NUCB1: variants seen among roughly 807,000 people sequenced by gnomAD.
The protein encoded by NUCB1 is nucleobindin-1.
Under a neutral mutation model 61.2 loss-of-function variants are expected in NUCB1, and 47 were observed. The observed-to-expected ratio is 0.77, with a 90% confidence interval of 0.61 to 0.98. The LOEUF (loss-of-function observed/expected upper bound fraction) is 0.98. Ranked by LOEUF, NUCB1 falls within the 50% of genes least tolerant of loss-of-function variation. The pLI, the probability that NUCB1 is intolerant of heterozygous loss-of-function variation, is 0.00. For missense variants in NUCB1, 583 were observed against 605.3 expected (o/e 0.96, Z 0.39); for synonymous variants, 234 against 243.1 (o/e 0.96, Z 0.35).
rs780632020 is a variant in NUCB1 at position 48,913,203 on chromosome 19, A to G, written c.666+7A>G. 6.2e-7 allele frequency: 1 copy of G among 1,605,584 alleles called. No individual in the cohort carries two copies. The highest frequency in any genetic ancestry group is 8.5e-7 in the Non-Finnish European group (1 of 1,176,312). On this transcript the variant is annotated splice_region_variant and intron_variant, in intron 6 of 12. Transcript: ENST00000405315. ...CCCTAAAGTCAACGTGCCTGTGAGG[A>G]CCCCATTTGTGCCCATCCACTCCCT...
Position 48,922,538 on chromosome 19 carries a change from G to A in NUCB1, c.*114G>A. 2.5e-6 allele frequency: 2 copies of A among 813,916 alleles called. No homozygotes were observed. Among genetic ancestry groups the A allele is most frequent in the South Asian group, 3.1e-5 (2 of 65,308 alleles). The allele number at this position is 813,916 out of a possible 1,614,324, so 50.4% of individuals were successfully genotyped here. On this transcript the variant is annotated 3_prime_UTR_variant, in exon 13 of 13. Coordinates refer to ENST00000405315, the MANE Select transcript of NUCB1 (RefSeq NM_006184.6). Reference sequence around the variant, plus strand: ...GCTGGTGTCATGTTGGGCTCCTGGGGCGGGGGCACGGCCTGGCATTTCACG... The same window carrying A: ...GCTGGTGTCATGTTGGGCTCCTGGGACGGGGGCACGGCCTGGCATTTCACG...
chr19:48,905,352 G>T (rs536283193), intron 3 of NUCB1, among the ~76,000 whole-genome samples: 1 of 152,052 alleles, frequency 6.6e-6, no homozygotes, highest in Non-Finnish European at 1.5e-5. Context: ...CTGAACCCTC[G>T]TATCAGGATC....
intron 4 of NUCB1, 35 bp downstream of exon 4, chr19:48,905,920 A>AGGGGGGGGGAACTGGCGGGGT: frequency 2.1e-6 from 1 of 473,426 alleles, no homozygotes; most frequent in African/African-American, 2.8e-5. Context: ...ACAGGCAGGG[A>AGGGGGGGGGAACTGGCGGGGT]GGGGTGGGGA....
At chr19:48,912,345 A>G (rs2037483569) in intron 5 of NUCB1, among the ~76,000 whole-genome samples, 2 of 151,900 alleles carry the variant, frequency 1.3e-5, no homozygotes, top group African/African-American at 4.8e-5. Context: ...GTTCTTGGCC[A>G]CCTAGCTGTA....
Position 48,904,337 on chromosome 19 carries a change from G to A in NUCB1, c.136-10G>A. 19 of 1,577,342 alleles carry A rather than the reference G, an allele frequency of 1.2e-5. No individual in the cohort carries two copies. The highest frequency in any genetic ancestry group is 1.7e-5 in the Non-Finnish European group (19 of 1,146,746). On this transcript the variant is annotated splice_polypyrimidine_tract_variant and intron_variant, in intron 2 of 12. Coordinates refer to ENST00000405315, the MANE Select transcript of NUCB1 (RefSeq NM_006184.6). Reference sequence around the variant, plus strand: ...AGCAGGGGCTGCTATGTCTGTCCTTGTTGCCTCAGGACACAGGCCTGTACT... The same window carrying A: ...AGCAGGGGCTGCTATGTCTGTCCTTATTGCCTCAGGACACAGGCCTGTACT...
At chr19:48,912,515 G>A (rs1442088583) in intron 5 of NUCB1, among the ~76,000 whole-genome samples, 1 of 152,020 alleles carries the variant, frequency 6.6e-6, no homozygotes, top group African/African-American at 2.4e-5. Context: ...GTGTGTTATG[G>A]GGCAGGAGCA....
Position 48,922,751 on chromosome 19 carries a change from C to G in NUCB1, c.*327C>G, listed in dbSNP as rs1031386288. Reference sequence around the variant, plus strand: ...CCCAAGAGGGTCTGCTCTGAGCCTGCGTTCCTAGGTGGCTCGGCCTCAGCT... The same window carrying G: ...CCCAAGAGGGTCTGCTCTGAGCCTGGGTTCCTAGGTGGCTCGGCCTCAGCT... On this transcript the variant is annotated 3_prime_UTR_variant, in exon 13 of 13. Transcript: ENST00000405315. 3.7e-6 allele frequency: 1 copy of G among 266,968 alleles called. No homozygotes were observed. Among genetic ancestry groups the G allele is most frequent in the East Asian group, 9.2e-5 (1 of 10,870 alleles). 16.5% of individuals were successfully genotyped at this position (266,968 alleles called of 1,614,324 possible).
At position 48,905,974 on chromosome 19, in the gene NUCB1, AGGT is replaced by A. The variant is rs1429860156; in HGVS notation, c.376+91_376+93del. 16 of 1,041,330 alleles carry A rather than the reference AGGT, an allele frequency of 1.5e-5. No individual in the cohort carries two copies. The East Asian group carries it at 4.2e-4, about 27-fold the overall frequency. 64.5% of individuals were successfully genotyped at this position (1,041,330 alleles called of 1,614,324 possible). A position where few individuals can be genotyped will look rare whatever the true frequency, so the allele number is the denominator to read the frequency against. ...GCCTCCAGGTGGTTGTGTGCTAGGC[AGGT>A]GAGGCCTCCCTCCCCGCTGCGAAAT... On this transcript the variant is annotated intron_variant, in intron 4 of 12. Coordinates refer to ENST00000405315, the MANE Select transcript of NUCB1 (RefSeq NM_006184.6).
chr19:48,922,385 C>T lies in NUCB1; in HGVS notation c.1347C>T (p.Leu449=), dbSNP rs200537115. 1.2e-5 allele frequency: 19 copies of T among 1,613,794 alleles called. No individual in the cohort carries two copies. The East Asian group carries it at 2.7e-4, about 23-fold the overall frequency. Residue 449 remains leucine (L), a synonymous_variant, in exon 13 of 13, where the codon CTC becomes CTT. Coordinates refer to ENST00000405315, the MANE Select transcript of NUCB1 (RefSeq NM_006184.6). ...KEVDTSEKKL[L]ERLPEVEVPQ... ...TGGACACTTCAGAAAAGAAACTTCT[C>T]GAGCGGCTCCCTGAGGTTGAGGTGC...
chr19:48,903,288 A>G (rs962860916), intron 2 of NUCB1, among the ~76,000 whole-genome samples: 1 of 151,940 alleles, frequency 6.6e-6, no homozygotes, highest in African/African-American at 2.4e-5. Context: ...GAGGCCTGGG[A>G]CTTTTGTCTG....
At position 48,913,542 on chromosome 19, in the gene NUCB1, C is replaced by T; in HGVS notation, c.735C>T (p.Pro245=). Residue 245 remains proline (P), a synonymous_variant, in exon 7 of 13, where the codon CCC becomes CCT. Transcript: ENST00000405315. ...GACTGGACCCCAACAGGTTTAACCC[C>T]AAGACCTTCTTCATACTGCATGGTA... ...LDGLDPNRFN[P]KTFFILHDIN... is the part of the protein sequence containing the mutation. 5.0e-6 allele frequency: 8 copies of T among 1,614,048 alleles called. No homozygotes were observed. The highest frequency in any genetic ancestry group is 5.9e-6 in the Non-Finnish European group (7 of 1,179,928).
intron 4 of NUCB1, among the ~76,000 whole-genome samples, chr19:48,908,721 GGTGTGT>G (rs57686025): frequency 0.014 from 1,537 of 109,328 alleles, 15 homozygotes; most frequent in African/African-American, 0.025. Context: ...TTGACCAAGG[GGTGTGT>G]GTGTGTGTGT....
intron 2 of NUCB1, 31 bp downstream of exon 2, chr19:48,900,962 G>C (rs2037348193): frequency 6.2e-7 from 1 of 1,613,186 alleles, no homozygotes; most frequent in Admixed American, 1.7e-5. Context: ...ATCCAGCCAG[G>C]TGTTTGCAGT....
rs771680859 is a variant in NUCB1, at chr19:48,919,173, C to G, written c.910-21C>G. 3 of 1,613,888 alleles carry G rather than the reference C, an allele frequency of 1.9e-6. No individual in the cohort carries two copies. In the South Asian group the frequency reaches 3.3e-5, roughly 18 times the overall value. Reference sequence around the variant, plus strand: ...AGGACGGGCCCCCAGCTCTGTCACTCACCCTTATCTGGCTCCCCAGGTGGA... The same window carrying G: ...AGGACGGGCCCCCAGCTCTGTCACTGACCCTTATCTGGCTCCCCAGGTGGA... On this transcript the variant is annotated intron_variant, in intron 9 of 12. Transcript: ENST00000405315.
chr19:48,906,320 G>A (rs1280849157), intron 4 of NUCB1, among the ~76,000 whole-genome samples: 1 of 150,476 alleles, frequency 6.6e-6, no homozygotes, highest in Non-Finnish European at 1.5e-5. Flanking sequence ...AGGAGAATTG[G>A]TTGAACCCGG....
chr19:48,900,969 C>T (rs371962772), intron 2 of NUCB1, 38 bp downstream of exon 2: 39 of 1,612,716 alleles, frequency 2.4e-5, no homozygotes, highest in Non-Finnish European at 3.1e-5. Context: ...CAGGTGTTTG[C>T]AGTGGTACTA....
rs2037500869 is a variant in NUCB1 at position 48,913,328 on chromosome 19, C to T, written c.666+132C>T. ...AACTCCCTGTTACTGTACCTGGCTG[C>T]CCCAGGGTCTGCTGGGAGTTGTAGT... On this transcript the variant is annotated intron_variant, in intron 6 of 12. Transcript: ENST00000405315. The T allele has an allele frequency of 3.3e-6, 4 of 1,200,038 alleles. No individual in the cohort carries two copies. The African/African-American group carries it at 6.1e-5, about 18-fold the overall frequency. The allele number at this position is 1,200,038 out of a possible 1,614,324, so 74.3% of individuals were successfully genotyped here.
At chr19:48,922,071 TG>T in intron 12 of NUCB1, 139 bp downstream of exon 12, 1 of 711,032 alleles carries the variant, frequency 1.4e-6, no homozygotes, top group Non-Finnish European at 2.3e-6. Flanking sequence ...GAAGAGGGAC[TG>T]GGGGTCCGGA....
At chr19:48,915,269 A>G (rs1459591796) in intron 7 of NUCB1, among the ~76,000 whole-genome samples, 1 of 152,132 alleles carries the variant, frequency 6.6e-6, no homozygotes, top group Non-Finnish European at 1.5e-5. Context: ...CCTTGAGGCC[A>G]GGAGTTGGAG....
Sources: allele counts gnomAD v4.1 joint callset (sites outside exome capture counted in the v4.1 genomes callset), GRCh38; gene constraint gnomAD v4.1.1; transcripts MANE v1.5; gene names NCBI Gene and HGNC (gene_info 2026-07-23, HGNC 2026-07-21).